Variants in IL1RAPL1 observed in about 807,000 individuals in gnomAD.
IL1RAPL1 encodes the protein interleukin 1 receptor accessory protein like 1.
Under a neutral mutation model 48.4 loss-of-function variants are expected in IL1RAPL1, and 3 were observed. The observed-to-expected ratio is 0.06, with a 90% confidence interval of 0.03 to 0.16. The LOEUF (loss-of-function observed/expected upper bound fraction) is 0.16, where lower values mean the gene tolerates loss of function less well. Among genes scored for constraint, IL1RAPL1 ranks in the 10% least tolerant of loss-of-function variants. The pLI is 1.00. For synonymous variants in IL1RAPL1, 185 were observed against 187.7 expected, an observed-to-expected ratio of 0.99 and a Z score of 0.12; for missense variants, 349 against 530.6, an observed-to-expected ratio of 0.66 and a Z score of 3.36.
At chrX:29,202,872 G>A (rs1930583950) in intron 2 of IL1RAPL1, among the ~76,000 whole-genome samples, 1 of 111,089 alleles carries the variant, frequency 9.0e-6, no homozygotes, top group Non-Finnish European at 1.9e-5. Context: ...GTGGAGGGTG[G>A]GAGTAGGATG....
At chrX:28,775,715 C>T (rs899581386) in intron 1 of IL1RAPL1, among the ~76,000 whole-genome samples, 2 of 112,923 alleles carry the variant, frequency 1.8e-5, no homozygotes, top group Non-Finnish European at 3.7e-5. Flanking sequence ...TTCTTTGTGT[C>T]TCACTTAGTT....
Position 29,258,525 on chromosome X carries a change from A to T in IL1RAPL1, c.83-24413A>T, listed in dbSNP as rs191904084. ...GCCCACTCTGGCCCCCAGGTATATG[A>T]TTTTCACCAATCAGGGATCACTACA... On this transcript the variant is annotated intron_variant, in intron 2 of 10. Transcript: ENST00000378993. 2.7e-5 allele frequency among the ~76,000 whole-genome samples: 3 copies of T among 111,031 alleles called. No homozygotes were observed. In the East Asian group the frequency reaches 8.5e-4, roughly 31 times the overall value.
At chrX:29,466,385 T>C (rs1378812614) in intron 5 of IL1RAPL1, among the ~76,000 whole-genome samples, 1 of 112,106 alleles carries the variant, frequency 8.9e-6, no homozygotes, top group African/African-American at 3.2e-5. Flanking sequence ...AATGGACAGA[T>C]GTAGGAGACA....
chrX:29,483,665 C>G (rs5926953), intron 5 of IL1RAPL1, among the ~76,000 whole-genome samples: 2 of 105,941 alleles, frequency 1.9e-5, no homozygotes, highest in Non-Finnish European at 3.9e-5. Flanking sequence ...GTTGGGAGCT[C>G]TAGCAGAAAG....
intron 1 of IL1RAPL1, among the ~76,000 whole-genome samples, chrX:28,677,603 T>C (rs1935012822): frequency 9.0e-6 from 1 of 111,240 alleles, no homozygotes; most frequent in African/African-American, 3.3e-5. Context: ...CTTTTTTTTT[T>C]TTGAGACGGA....
At chrX:28,739,170 T>G (rs1220892174) in intron 1 of IL1RAPL1, among the ~76,000 whole-genome samples, 1 of 111,236 alleles carries the variant, frequency 9.0e-6, no homozygotes, top group Admixed American at 9.6e-5. Context: ...ATGACAGCTT[T>G]CTTTTAATCT....
chrX:28,654,650 G>C (rs369010684), intron 1 of IL1RAPL1, among the ~76,000 whole-genome samples: 1 of 111,966 alleles, frequency 8.9e-6, no homozygotes, highest in Admixed American at 9.5e-5. Flanking sequence ...TCCATACGTG[G>C]ATAGAAAATA....
At chrX:29,105,818 C>A (rs1227944792) in intron 2 of IL1RAPL1, among the ~76,000 whole-genome samples, 1 of 111,597 alleles carries the variant, frequency 9.0e-6, no homozygotes, top group Non-Finnish European at 1.9e-5. Context: ...AGTAATCTTC[C>A]AGGGCTCTGT....
intron 2 of IL1RAPL1, among the ~76,000 whole-genome samples, chrX:29,275,450 T>TA (rs1389542403): frequency 8.9e-6 from 1 of 112,012 alleles, no homozygotes; most frequent in African/African-American, 3.2e-5. Context: ...TTCAGAACCT[T>TA]ACCATATACT....
At chrX:29,837,257 T>TAAAAAAA (rs1931029394) in intron 6 of IL1RAPL1, among the ~76,000 whole-genome samples, 1 of 17,006 alleles carries the variant, frequency 5.9e-5, no homozygotes, top group African/African-American at 3.9e-4. Context: ...AGACTGCATC[T>TAAAAAAA]CAAAAAAAAA....
chrX:29,264,839 A>G (rs1301104062), intron 2 of IL1RAPL1, among the ~76,000 whole-genome samples: 1 of 111,193 alleles, frequency 9.0e-6, no homozygotes, highest in Non-Finnish European at 1.9e-5. Flanking sequence ...TACAATCAAT[A>G]TCATTGATCT....
At chrX:29,140,118 G>C (rs1929216198) in intron 2 of IL1RAPL1, among the ~76,000 whole-genome samples, 1 of 110,603 alleles carries the variant, frequency 9.0e-6, no homozygotes, top group South Asian at 3.9e-4. Context: ...AAAGAGAGAT[G>C]GGAGGGAGGT....
intron 5 of IL1RAPL1, among the ~76,000 whole-genome samples, chrX:29,455,556 T>C (rs1339530313): frequency 8.9e-6 from 1 of 111,826 alleles, no homozygotes; most frequent in Non-Finnish European, 1.9e-5. Context: ...CAAAATAAGC[T>C]TGAAAGTTCT....
intron 5 of IL1RAPL1, among the ~76,000 whole-genome samples, chrX:29,405,235 A>G (rs1336013872): frequency 9.3e-6 from 1 of 107,501 alleles, no homozygotes; most frequent in Non-Finnish European, 1.9e-5. Flanking sequence ...TTTGATTGGT[A>G]CTTTTTTCGT....
At chrX:29,658,495 G>A (rs1226719279) in intron 5 of IL1RAPL1, among the ~76,000 whole-genome samples, 1 of 112,147 alleles carries the variant, frequency 8.9e-6, no homozygotes, top group African/African-American at 3.2e-5. Context: ...CGTAACTCAT[G>A]TGTTAGGACA....
chrX:29,842,220 A>G (rs1006575776), intron 6 of IL1RAPL1, among the ~76,000 whole-genome samples: 10 of 112,311 alleles, frequency 8.9e-5, no homozygotes, highest in African/African-American at 2.9e-4. Flanking sequence ...AAGCATAAAT[A>G]TTATGGCAAT....
intron 1 of IL1RAPL1, among the ~76,000 whole-genome samples, chrX:28,744,524 G>A (rs1181149396): frequency 9.0e-6 from 1 of 110,989 alleles, no homozygotes; most frequent in Non-Finnish European, 1.9e-5. Context: ...TTGCAGTTTT[G>A]GAAAAGGATC....
intron 5 of IL1RAPL1, among the ~76,000 whole-genome samples, chrX:29,485,990 G>T (rs1352301480): frequency 9.0e-6 from 1 of 111,201 alleles, no homozygotes; most frequent in Non-Finnish European, 1.9e-5. Flanking sequence ...CAACACTTGG[G>T]ACCTTGCTAA....
chrX:29,422,126 A>AG (rs1934297880), intron 5 of IL1RAPL1, among the ~76,000 whole-genome samples: 1 of 111,484 alleles, frequency 9.0e-6, no homozygotes, highest in Non-Finnish European at 1.9e-5. Context: ...AAGGATCCTT[A>AG]GGGAGAACAG....
Sources: gnomAD v4.1 joint callset for allele counts (sites outside exome capture counted in the v4.1 genomes callset) on GRCh38, gnomAD v4.1.1 for gene constraint, MANE v1.5 for transcripts, NCBI Gene and HGNC (gene_info 2026-07-23, HGNC 2026-07-21) for gene names.